Variants in CLCA4 observed in about 807,000 individuals in gnomAD.
CLCA4 encodes chloride channel accessory 4, also known as calcium-activated chloride channel regulator 4.
CLCA4 carries 69 observed loss-of-function variants against 78.9 expected under a neutral mutation model. The observed-to-expected ratio is 0.87, with a 90% confidence interval of 0.72 to 1.07. The LOEUF is 1.07. Ranked by LOEUF, CLCA4 falls within the 50% of genes least tolerant of loss-of-function variation. The pLI is 0.00. For synonymous variants in CLCA4, 362 were observed against 375.8 expected (o/e 0.96, Z 0.42); for missense variants, 1,133 against 1,095.8 (o/e 1.03, Z -0.48).
Position 86,565,317 on chromosome 1 carries a change from C to A in CLCA4, c.601C>A (p.Gln201Lys). 1 of 1,609,024 alleles carries A rather than the reference C, an allele frequency of 6.2e-7. No individual in the cohort carries two copies. The highest frequency in any genetic ancestry group is 1.3e-5 in the African/African-American group (1 of 74,856). The change falls in exon 5 of 14, where the codon CAA (glutamine) becomes AAA (lysine). Residue 201 changes from glutamine (Q) to lysine (K), a missense_variant. By Grantham distance (53) the Gln-to-Lys change is moderately conservative. Transcript: ENST00000370563. ...TGGTAGAAATAGAGTTTATAAGTGT[C>A]AAGGAGGCAGCTGTCTTAGTAGAGC... is the stretch of plus-strand genomic sequence containing the variant. ...ISGRNRVYKC[Q>K]GGSCLSRACR...
intron 9 of CLCA4, 80 bp from the exon 10 acceptor site, chr1:86,574,460 C>A: frequency 1.7e-6 from 2 of 1,161,258 alleles, no homozygotes; most frequent in Non-Finnish European, 2.5e-6. Context: ...TGTTCTCAGG[C>A]CAGAAATTAA....
At chr1:86,570,396 C>CT (rs1483387148) in intron 7 of CLCA4, among the ~76,000 whole-genome samples, 2 of 152,126 alleles carry the variant, frequency 1.3e-5, no homozygotes, top group Admixed American at 1.3e-4. Flanking sequence ...AGTTTCAAAA[C>CT]TTTGAGTTTC....
At position 86,579,435 on chromosome 1, in the gene CLCA4, C is replaced by A; in HGVS notation, c.2204C>A (p.Ser735Tyr). ...TTGGAGGATTTCAGCCGAACAGCATCCGGAGGTGCATTTGTGGTATCACAA... is the reference window on the plus strand; with the variant it reads ...TTGGAGGATTTCAGCCGAACAGCATACGGAGGTGCATTTGTGGTATCACAA... ...TTLEDFSRTA[S>Y]GGAFVVSQVP... Residue 735 changes from serine (S) to tyrosine (Y), a missense_variant, in exon 13 of 14, where the codon TCC (serine) becomes TAC (tyrosine). Transcript: ENST00000370563. The A allele has an allele frequency of 6.2e-7, 1 of 1,613,282 alleles. No homozygotes were observed. The highest frequency in any genetic ancestry group is 1.1e-5 in the South Asian group (1 of 91,072).
intron 1 of CLCA4, among the ~76,000 whole-genome samples, chr1:86,553,496 G>T (rs974558026): frequency 5.9e-5 from 9 of 152,222 alleles, no homozygotes; most frequent in Non-Finnish European, 1.2e-4. Flanking sequence ...TCTGCCCGCT[G>T]GGTCCTCTGC....
rs1451662203 is a variant in CLCA4 at position 86,576,814 on chromosome 1, A to T, written c.1952-1088A>T. 3.3e-5 allele frequency among the ~76,000 whole-genome samples: 5 copies of T among 152,014 alleles called. No individual in the cohort carries two copies. In the East Asian group the frequency reaches 9.7e-4, roughly 29 times the overall value. On this transcript the variant is annotated intron_variant, in intron 11 of 13. Transcript: ENST00000370563. ...TCTGGCTGGTAGGAATCAAGATGCA[A>T]CGTTGGCCATTATCTGTCTCCCTGG...
intron 1 of CLCA4, among the ~76,000 whole-genome samples, chr1:86,558,554 A>C (rs1259721125): frequency 6.6e-6 from 1 of 152,192 alleles, no homozygotes; most frequent in Non-Finnish European, 1.5e-5. Context: ...ATAATTTATA[A>C]AGGAAAAGAT....
intron 4 of CLCA4, 142 bp from the exon 5 acceptor site, chr1:86,565,132 C>A (rs1650138342): frequency 1.1e-5 from 6 of 543,394 alleles, no homozygotes; most frequent in Admixed American, 7.3e-5. Context: ...ACCCTTAAAC[C>A]CTATAGCCAG....
intron 1 of CLCA4, chr1:86,552,555 C>G (rs1366285756): frequency 1.8e-6 from 1 of 550,254 alleles, no homozygotes; most frequent in African/African-American, 1.9e-5. Context: ...GGCGCACCCT[C>G]TACGGGAGCC....
At chr1:86,571,650 C>CA (rs1553194262) in intron 8 of CLCA4, among the ~76,000 whole-genome samples, 2 of 151,764 alleles carry the variant, frequency 1.3e-5, no homozygotes, top group Non-Finnish European at 2.9e-5. Flanking sequence ...AAGTCATGAG[C>CA]AAAAAACATC....
Position 86,575,592 on chromosome 1 carries a change from T to G in CLCA4, c.1944T>G (p.Asn648Lys), listed in dbSNP as rs1650491555. 3.1e-6 allele frequency: 5 copies of G among 1,611,718 alleles called. No homozygotes were observed. The highest frequency in any genetic ancestry group is 4.2e-6 in the Non-Finnish European group (5 of 1,178,450). The change falls in exon 11 of 14, where the codon AAT becomes AAG. Residue 648 changes from asparagine to lysine, a missense_variant. Asn to Lys is a moderately conservative substitution (Grantham distance 94, BLOSUM62 0). Coordinates refer to ENST00000370563, the MANE Select transcript of CLCA4 (RefSeq NM_012128.4). ...CAGAAGTTTTGGAACTTTTGGATAA[T>G]GGTGCAGGTAATTCACAGGTTTTTA... ...GHTEVLELLD[N>K]GAGADSFKND...
intron 1 of CLCA4, among the ~76,000 whole-genome samples, chr1:86,556,921 TG>T (rs1303804678): frequency 6.6e-6 from 1 of 152,196 alleles, no homozygotes; most frequent in Non-Finnish European, 1.5e-5. Context: ...GATTCAGTCT[TG>T]GGAGATGTAT....
intron 1 of CLCA4, among the ~76,000 whole-genome samples, chr1:86,554,177 C>CT (rs1434465369): frequency 6.6e-6 from 1 of 152,118 alleles, no homozygotes; most frequent in Non-Finnish European, 1.5e-5. Context: ...CCCAGTGTCT[C>CT]TTGTTCTCTT....
rs1650663564 is a variant in CLCA4, at chr1:86,580,090, A to C, written c.2505A>C (p.Glu835Asp). The C allele has an allele frequency of 5.0e-6, 8 of 1,613,104 alleles. No individual in the cohort carries two copies. Among genetic ancestry groups the C allele is most frequent in the Non-Finnish European group, 5.1e-6 (6 of 1,179,482 alleles). ...SFAFKPENISEENATHIFIAI... is the reference protein window; with the variant it reads ...SFAFKPENISDENATHIFIAI... ...CATTTAAACCAGAAAATATCTCAGA[A>C]GAAAATGCAACCCACATATTTATTG... Residue 835 changes from glutamate to aspartate, a missense_variant, in exon 14 of 14, where the codon GAA becomes GAC. Glu to Asp is a conservative substitution (Grantham distance 45). Transcript: ENST00000370563.
intron 12 of CLCA4, among the ~76,000 whole-genome samples, chr1:86,578,773 C>A (rs1650608981): frequency 6.6e-6 from 1 of 152,042 alleles, no homozygotes; most frequent in South Asian, 2.1e-4. Flanking sequence ...CAGAATTTAT[C>A]TTTCAGATTA....
chr1:86,559,582 A>T (rs1318242038), intron 1 of CLCA4, among the ~76,000 whole-genome samples: 1 of 152,222 alleles, frequency 6.6e-6, no homozygotes, highest in Non-Finnish European at 1.5e-5. Context: ...GCATTGCATA[A>T]ATCAACCAAG....
At chr1:86,551,242 T>G (rs1282166024) in intron 1 of CLCA4, among the ~76,000 whole-genome samples, 1 of 152,178 alleles carries the variant, frequency 6.6e-6, no homozygotes, top group Non-Finnish European at 1.5e-5. Context: ...TATTTTTATT[T>G]CAATTCTTGC....
chr1:86,549,889 T>A (rs554295762), intron 1 of CLCA4, among the ~76,000 whole-genome samples: 1 of 152,198 alleles, frequency 6.6e-6, no homozygotes, highest in African/African-American at 2.4e-5. Context: ...GAATGAAAAT[T>A]TGGGTGTAGA....
chr1:86,550,969 T>C (rs544396037), intron 1 of CLCA4, among the ~76,000 whole-genome samples: 50 of 151,574 alleles, frequency 3.3e-4, no homozygotes, highest in African/African-American at 5.8e-4. Flanking sequence ...GTGGCTGGGA[T>C]TACAGGCGCC....
In CLCA4 at chr1:86,566,039, G is replaced by T. The variant is rs914592440; in HGVS notation, c.954+19G>T. 8 of 1,594,718 alleles carry T rather than the reference G, an allele frequency of 5.0e-6. No homozygotes were observed. The highest frequency in any genetic ancestry group is 6.9e-6 in the Non-Finnish European group (8 of 1,164,624). ...CATGGGGGTAAGATCACTTTTTCTG[G>T]ATATAGGGATGTAGGATATTTGAAG... is the stretch of plus-strand genomic sequence containing the variant. On this transcript the variant is annotated intron_variant, in intron 6 of 13. Transcript: ENST00000370563.
Sources: gnomAD v4.1 joint callset for allele counts (sites outside exome capture counted in the v4.1 genomes callset) on GRCh38, gnomAD v4.1.1 for gene constraint, MANE v1.5 for transcripts, NCBI Gene and HGNC (gene_info 2026-07-23, HGNC 2026-07-21) for gene names.